KCNN2: variants seen among roughly 807,000 people sequenced by gnomAD.
The protein encoded by KCNN2 is potassium calcium-activated channel subfamily N member 2.
In KCNN2, 24 loss-of-function variants were observed where a neutral mutation model predicts 55.5. The ratio of observed to expected loss-of-function variants is 0.43; its 90% CI spans 0.31 to 0.61. The LOEUF (loss-of-function observed/expected upper bound fraction) is 0.61. Ranked by LOEUF, KCNN2 falls within the 20% of genes least tolerant of loss-of-function variation. KCNN2 has a pLI of 0.08. For missense variants in KCNN2, 754 were observed against 853.6 expected, an observed-to-expected ratio of 0.88 and a Z score of 1.45; for synonymous variants, 431 against 336.1, an observed-to-expected ratio of 1.28 and a Z score of -3.09.
chr5:114,177,298 C>G (rs531279795), intron 1 of KCNN2, among the ~76,000 whole-genome samples: 1 of 151,984 alleles, frequency 6.6e-6, no homozygotes, highest in Non-Finnish European at 1.5e-5. Flanking sequence ...CCACCGCGCC[C>G]GGCTAATGTT....
intron 1 of KCNN2, among the ~76,000 whole-genome samples, chr5:114,168,166 G>GAGATAT (rs1752957760): frequency 7.2e-6 from 1 of 139,568 alleles, no homozygotes; most frequent in African/African-American, 2.6e-5. Context: ...TATATATGTG[G>GAGATAT]ATATATATAC....
intron 2 of KCNN2, among the ~76,000 whole-genome samples, chr5:114,354,351 G>A (rs1757261895): frequency 6.6e-6 from 1 of 151,984 alleles, no homozygotes; most frequent in Admixed American, 6.6e-5. Flanking sequence ...TCAGAGTTGG[G>A]CATGTGAAGG....
intron 2 of KCNN2, among the ~76,000 whole-genome samples, chr5:114,379,258 C>G (rs922179584): frequency 1.3e-5 from 2 of 151,958 alleles, no homozygotes; most frequent in African/African-American, 2.4e-5. Flanking sequence ...CACACACTTG[C>G]AAGAGTCCTC....
chr5:114,164,194 C>A (rs1752858731), intron 1 of KCNN2, among the ~76,000 whole-genome samples: 1 of 152,124 alleles, frequency 6.6e-6, no homozygotes, highest in Non-Finnish European at 1.5e-5. Context: ...ATATTTAGAA[C>A]AAATCCATAG....
intron 2 of KCNN2, among the ~76,000 whole-genome samples, chr5:114,251,880 C>CTTTTT (rs200692821): frequency 7.5e-6 from 1 of 133,336 alleles, no homozygotes; most frequent in Non-Finnish European, 1.6e-5. Context: ...TTTTCTTTTT[C>CTTTTT]TTTTTTTTTT....
chr5:114,236,314 A>T (rs1381934391), intron 2 of KCNN2, among the ~76,000 whole-genome samples: 4 of 152,212 alleles, frequency 2.6e-5, no homozygotes, highest in Non-Finnish European at 5.9e-5. Context: ...GAAGGAAAAG[A>T]AAATAAATTT....
chr5:114,199,612 AT>A (rs34199440), intron 1 of KCNN2, among the ~76,000 whole-genome samples: 38 of 150,328 alleles, frequency 2.5e-4, no homozygotes, highest in Middle Eastern at 6.8e-3. Context: ...TGGGTTTTAT[AT>A]TTTTTTTTAT....
chr5:114,226,537 A>G (rs75037605), intron 2 of KCNN2, among the ~76,000 whole-genome samples: 5,092 of 152,220 alleles, frequency 0.033, 251 homozygotes, highest in African/African-American at 0.11. Flanking sequence ...TAGTAGCTGT[A>G]TTTATTCTGA....
chr5:114,200,295 G>A (rs1214685620), intron 1 of KCNN2, among the ~76,000 whole-genome samples: 1 of 151,580 alleles, frequency 6.6e-6, no homozygotes, highest in East Asian at 1.9e-4. Flanking sequence ...GTATATTGTT[G>A]AAGCTGTCAA....
At chr5:114,344,102 C>T (rs555491323) in intron 2 of KCNN2, among the ~76,000 whole-genome samples, 7 of 152,280 alleles carry the variant, frequency 4.6e-5, no homozygotes, top group Middle Eastern at 3.4e-3. Context: ...TGCTGAACCA[C>T]CCAGAGTTGT....
chr5:114,422,308 G>T (rs1024300505), intron 3 of KCNN2, among the ~76,000 whole-genome samples: 1 of 152,034 alleles, frequency 6.6e-6, no homozygotes, highest in East Asian at 1.9e-4. Context: ...CATGAGGGTG[G>T]AGCCCTCATG....
intron 1 of KCNN2, among the ~76,000 whole-genome samples, chr5:114,115,061 A>T (rs1354756479): frequency 6.6e-6 from 1 of 152,138 alleles, no homozygotes; most frequent in Non-Finnish European, 1.5e-5. Flanking sequence ...CTGTGGTGAC[A>T]TGGTGAAGTT....
At chr5:114,464,992 C>T (rs551618922) in intron 4 of KCNN2, among the ~76,000 whole-genome samples, 2 of 152,070 alleles carry the variant, frequency 1.3e-5, no homozygotes, top group Non-Finnish European at 2.9e-5. Flanking sequence ...TTTATAAAAA[C>T]TAGTAATTGC....
chr5:114,148,948 GC>G (rs1185844977), intron 1 of KCNN2, among the ~76,000 whole-genome samples: 1 of 152,154 alleles, frequency 6.6e-6, no homozygotes, highest in East Asian at 1.9e-4. Context: ...CTGAATAAGA[GC>G]CCAGTCAGCC....
At chr5:114,148,976 G>A (rs1035643361) in intron 1 of KCNN2, among the ~76,000 whole-genome samples, 1 of 152,102 alleles carries the variant, frequency 6.6e-6, no homozygotes, top group Admixed American at 6.6e-5. Context: ...GAAATAGGAA[G>A]TAAAACACCA....
intron 2 of KCNN2, among the ~76,000 whole-genome samples, chr5:114,250,011 G>T (rs1754826725): frequency 6.6e-6 from 1 of 152,114 alleles, no homozygotes; most frequent in Admixed American, 6.5e-5. Context: ...TGCCTAGATT[G>T]TCTGGTTCCT....
chr5:114,060,404 G>T (rs1055387501), intron 1 of KCNN2, among the ~76,000 whole-genome samples: 3 of 152,208 alleles, frequency 2.0e-5, no homozygotes, highest in Non-Finnish European at 4.4e-5. Flanking sequence ...GTACCTTAGT[G>T]CCTGGCACAG....
At chr5:114,382,703 T>C (rs1467983077) in intron 2 of KCNN2, among the ~76,000 whole-genome samples, 1 of 152,186 alleles carries the variant, frequency 6.6e-6, no homozygotes, top group Non-Finnish European at 1.5e-5. Context: ...TTTTATTCCA[T>C]TTTCCCATTT....
Position 114,323,051 on chromosome 5 carries a change from A to G in KCNN2, c.-184-37894A>G, listed in dbSNP as rs1756643563. ...TTAGCTCCTGCTAATAAGTGAGAGC[A>G]TGCAGTATTTGGTTTTCTGTTTCTG... On this transcript the variant is annotated intron_variant, in intron 2 of 10. Coordinates refer to the KCNN2 transcript ENST00000512097. Among the ~76,000 whole-genome samples, 3 of 152,262 alleles carry G rather than the reference A, an allele frequency of 2.0e-5. No homozygotes were observed. In the South Asian group the frequency reaches 6.2e-4, roughly 31 times the overall value.
Sources: gnomAD v4.1 joint callset for allele counts (sites outside exome capture counted in the v4.1 genomes callset) on GRCh38, gnomAD v4.1.1 for gene constraint, MANE v1.5 for transcripts, NCBI Gene and HGNC (gene_info 2026-07-23, HGNC 2026-07-21) for gene names.